The following SEMA5B variants were observed in gnomAD, a reference collection of about 807,000 sequenced individuals.
SEMA5B encodes the protein semaphorin 5B, also known as semaphorin-5B.
A neutral mutation model predicts 135.0 loss-of-function variants in SEMA5B; 66 were observed. That is an observed-to-expected ratio of 0.49 (90% CI 0.40 to 0.60). The LOEUF (loss-of-function observed/expected upper bound fraction) is 0.60. SEMA5B is among the 20% of genes least tolerant of loss of function. SEMA5B has a pLI of 0.00. For missense variants in SEMA5B, 1,501 were observed against 1,566.3 expected (o/e 0.96, Z 0.70); for synonymous variants, 690 against 639.5 (o/e 1.08, Z -1.19).
intron 1 of SEMA5B, among the ~76,000 whole-genome samples, chr3:123,012,939 G>A (rs780199055): frequency 6.6e-6 from 1 of 152,224 alleles, no homozygotes; most frequent in Non-Finnish European, 1.5e-5. Flanking sequence ...TGCCTGGAGA[G>A]GTGTCCTTAG....
At chr3:122,945,796 A>G (rs1439604420) in intron 3 of SEMA5B, among the ~76,000 whole-genome samples, 2 of 128,450 alleles carry the variant, frequency 1.6e-5, no homozygotes, top group Non-Finnish European at 3.2e-5. Flanking sequence ...GGAAAAGAAG[A>G]GGAAACAGGG....
chr3:122,968,157 C>T (rs1940953524), intron 1 of SEMA5B, among the ~76,000 whole-genome samples: 1 of 152,174 alleles, frequency 6.6e-6, no homozygotes, highest in African/African-American at 2.4e-5. Context: ...GAATTGGGCC[C>T]CCAGGATGGT....
At chr3:122,942,570 T>C (rs866944839) in intron 4 of SEMA5B, among the ~76,000 whole-genome samples, 6 of 152,176 alleles carry the variant, frequency 3.9e-5, no homozygotes, top group African/African-American at 1.4e-4. Context: ...CACCCTGTTG[T>C]CATCATGCTA....
intron 20 of SEMA5B, 26 bp from the exon 21 acceptor site, chr3:122,911,561 G>A (rs1937709258): frequency 1.2e-6 from 2 of 1,604,182 alleles, no homozygotes; most frequent in African/African-American, 1.3e-5. Context: ...TGGACAGGGT[G>A]TCAGGGGCGG....
rs746417813 is a variant in SEMA5B, at chr3:122,913,281, G to T, written c.2424C>A (p.Asp808Glu). 35 of 1,584,014 alleles carry T rather than the reference G, an allele frequency of 2.2e-5. No individual in the cohort carries two copies. The highest frequency in any genetic ancestry group is 2.0e-5 in the Non-Finnish European group (23 of 1,173,684). ...FRFTCRAPLA[D>E]PHGLQFGRRR... is the part of the protein sequence containing the mutation. ...TCCTGCCGAACTGCAGGCCGTGCGG[G>T]TCTGCAAGGGGCGCGCGGCAGGTGA... The change falls in exon 17 of 23, where the codon GAC becomes GAA. Residue 808 changes from aspartate (D) to glutamate (E), a missense_variant. Physicochemically the swap from Asp to Glu is conservative, Grantham distance 45 (BLOSUM62 2). Coordinates refer to ENST00000357599, the MANE Select transcript of SEMA5B (RefSeq NM_001031702.4).
intron 1 of SEMA5B, among the ~76,000 whole-genome samples, chr3:122,970,956 T>A (rs72970588): frequency 0.13 from 19,267 of 152,228 alleles, 2,338 homozygotes; most frequent in East Asian, 0.31. Flanking sequence ...ATCAGGGGCA[T>A]TTCACAGGAA....
At chr3:122,993,269 G>C (rs1164541673) in intron 1 of SEMA5B, 1 of 152,342 alleles carries the variant, frequency 6.6e-6, no homozygotes, top group Non-Finnish European at 1.5e-5. Context: ...CCAGACAAAA[G>C]CACTGGAAGC....
intron 22 of SEMA5B, 26 bp downstream of exon 22, chr3:122,910,809 CAAAAA>C (rs368651033): frequency 5.7e-4 from 705 of 1,244,884 alleles, no homozygotes; most frequent in Middle Eastern, 1.5e-3. Context: ...GACTCCGTCT[CAAAAA>C]AAAAAAAAAA....
chr3:122,911,236 T>G, intron 21 of SEMA5B, 191 bp from the exon 22 acceptor site: 1 of 1,112,508 alleles, frequency 9.0e-7, no homozygotes, highest in Non-Finnish European at 1.3e-6. Flanking sequence ...AGGTACCCTG[T>G]GGCTCAAGTC....
chr3:122,952,700 C>T (rs1330001275), intron 2 of SEMA5B, among the ~76,000 whole-genome samples: 1 of 152,182 alleles, frequency 6.6e-6, no homozygotes. Flanking sequence ...GCCTGCACCT[C>T]CACATTTGCC....
rs997069715 is a variant in SEMA5B, at chr3:122,913,347, G to T, written c.2358C>A (p.Asn786Lys). ...NTPWTPWLPV[N>K]VTQGGARQEQ... ...CCTGCCGTGCCCCGCCCTGCGTCAC[G>T]TTCACGGGCAGCCACGGCGTCCAGG... The change falls in exon 17 of 23, where the codon AAC (asparagine) becomes AAA (lysine). Residue 786 changes from asparagine to lysine, a missense_variant. This residue lies in a region of SEMA5B where 927 missense variants were observed against 881.6 expected (regional missense o/e 1.05). Transcript: ENST00000357599. The T allele has an allele frequency of 1.3e-5, 21 of 1,581,044 alleles. No homozygotes were observed. Among genetic ancestry groups the T allele is most frequent in the Non-Finnish European group, 1.8e-5 (21 of 1,170,618 alleles).
Position 122,911,213 on chromosome 3 carries a change from G to A in SEMA5B, c.3092-168C>T, listed in dbSNP as rs1417489202. The stretch of plus-strand genomic sequence containing the variant: ...GGAGGCTGGGGAGGCTGTCACTGGG[G>A]ACCTCTTTCACAAGGTACCCTGTGG... On this transcript the variant is annotated intron_variant, in intron 21 of 22. Coordinates refer to ENST00000357599, the MANE Select transcript of SEMA5B (RefSeq NM_001031702.4). 5.0e-6 allele frequency: 5 copies of A among 1,006,280 alleles called. No individual in the cohort carries two copies. The African/African-American group carries it at 6.5e-5, about 13-fold the overall frequency. The allele number at this position is 1,006,280 out of a possible 1,614,324, so 62.3% of individuals were successfully genotyped here. A position where few individuals can be genotyped will look rare whatever the true frequency, so the allele number is the denominator to read the frequency against.
intron 12 of SEMA5B, among the ~76,000 whole-genome samples, chr3:122,917,157 C>A (rs1938113337): frequency 6.6e-6 from 1 of 152,200 alleles, no homozygotes; most frequent in African/African-American, 2.4e-5. Flanking sequence ...CACTGCCAAT[C>A]CTGGGGGATA....
At chr3:123,020,036 C>T (rs550769935) in intron 1 of SEMA5B, among the ~76,000 whole-genome samples, 72 of 152,344 alleles carry the variant, frequency 4.7e-4, no homozygotes, top group South Asian at 1.2e-3. Flanking sequence ...CAGTCAAAAA[C>T]GGTCTAAATG....
chr3:122,975,971 G>C, intron 1 of SEMA5B: 1 of 1,532,412 alleles, frequency 6.5e-7, no homozygotes, highest in Non-Finnish European at 8.7e-7. Flanking sequence ...CCCAAATCTA[G>C]AAACTCTTCA....
intron 15 of SEMA5B, 41 bp downstream of exon 15, chr3:122,913,817 C>G (rs200729550): frequency 3.2e-5 from 50 of 1,568,994 alleles, no homozygotes; most frequent in Non-Finnish European, 4.2e-5. Flanking sequence ...CTGGGGGGCC[C>G]GGTTAGTCTG....
Position 122,915,431 on chromosome 3 carries a change from C to T in SEMA5B, c.1988+9G>A, listed in dbSNP as rs1290172995. On this transcript the variant is annotated intron_variant, in intron 14 of 22. Coordinates refer to ENST00000357599, the MANE Select transcript of SEMA5B (RefSeq NM_001031702.4). ...AGGCAGACACCATGTAAACCCTGTC[C>T]TCACATACCTGGAGCAGTTGGCGAT... 7 of 1,601,426 alleles carry T rather than the reference C, an allele frequency of 4.4e-6. No individual in the cohort carries two copies. In the Admixed American group the frequency reaches 5.1e-5, roughly 12 times the overall value.
chr3:122,946,188 C>T (rs1326377261), intron 3 of SEMA5B, among the ~76,000 whole-genome samples: 2 of 152,180 alleles, frequency 1.3e-5, no homozygotes, highest in Non-Finnish European at 1.5e-5. Context: ...TTGTTAAGTC[C>T]AGGCTGGCTT....
intron 10 of SEMA5B, 113 bp from the exon 11 acceptor site, chr3:122,922,560 C>T: frequency 2.1e-6 from 2 of 936,688 alleles, no homozygotes; most frequent in Non-Finnish European, 3.2e-6. Context: ...GCTGATTCTC[C>T]AGCACCCCCC....
Sources: allele counts gnomAD v4.1 joint callset (sites outside exome capture counted in the v4.1 genomes callset), GRCh38; gene constraint gnomAD v4.1.1; regional missense constraint gnomAD v4.1.1; transcripts MANE v1.5; gene names NCBI Gene and HGNC (gene_info 2026-07-23, HGNC 2026-07-21).